The following DGKD variants were observed in gnomAD, a reference collection of about 807,000 sequenced individuals.
The protein encoded by DGKD is diacylglycerol kinase delta.
DGKD carries 68 observed loss-of-function variants against 154.4 expected under a neutral mutation model. The ratio of observed to expected loss-of-function variants is 0.44; its 90% CI spans 0.36 to 0.54. The LOEUF (loss-of-function observed/expected upper bound fraction) is 0.54, where lower values mean the gene tolerates loss of function less well. Ranked by LOEUF, DGKD falls within the 20% of genes least tolerant of loss-of-function variation. The probability of loss-of-function intolerance (pLI) is 0.00; values close to 1 mark genes in which losing one functional copy is unlikely to be tolerated. For missense variants in DGKD, 1,343 were observed against 1,593.6 expected (o/e 0.84, Z 2.68); for synonymous variants, 693 against 638.0 (o/e 1.09, Z -1.30).
In DGKD at chr2:233,429,153, G is replaced by C. The variant is rs145698194; in HGVS notation, c.349-5227G>C. On this transcript the variant is annotated intron_variant, in intron 3 of 29. Coordinates refer to ENST00000264057, the MANE Select transcript of DGKD (RefSeq NM_152879.3). Reference sequence around the variant, plus strand: ...CCAAAGATCCATCTTCTCAAACGCTGAGGCTGAGTTCTGGAGCAAAGTTGG... The same window carrying C: ...CCAAAGATCCATCTTCTCAAACGCTCAGGCTGAGTTCTGGAGCAAAGTTGG... The C allele has an allele frequency of 1.2e-3, 1,229 of 985,366 alleles. 11 individuals carry two copies. The African/African-American group carries it at 0.018, about 15-fold the overall frequency. The allele number at this position is 985,366 out of a possible 1,614,324, so 61.0% of individuals were successfully genotyped here. A position where few individuals can be genotyped will look rare whatever the true frequency, so the allele number is the denominator to read the frequency against.
chr2:233,460,129 A>G (rs2063579989), intron 23 of DGKD, 65 bp from the exon 24 acceptor site: 8 of 1,580,364 alleles, frequency 5.1e-6, no homozygotes, highest in Non-Finnish European at 6.9e-6. Context: ...GCATCCCCAT[A>G]GTGTCTGTCG....
At chr2:233,394,534 G>A (rs1026726162) in intron 3 of DGKD, among the ~76,000 whole-genome samples, 5 of 151,850 alleles carry the variant, frequency 3.3e-5, no homozygotes, top group Non-Finnish European at 5.9e-5. Context: ...GATCTTTTTC[G>A]CAATGAGTAG....
At chr2:233,426,497 G>C (rs1018818462) in intron 3 of DGKD, among the ~76,000 whole-genome samples, 1 of 152,084 alleles carries the variant, frequency 6.6e-6, no homozygotes, top group African/African-American at 2.4e-5. Flanking sequence ...GGAGAAGCTA[G>C]CATCTAATAC....
Position 233,359,179 on chromosome 2 carries a change from G to A in DGKD, c.156+4505G>A, listed in dbSNP as rs991147786. On this transcript the variant is annotated intron_variant, in intron 1 of 29. Transcript: ENST00000264057. ...CAGATGAAGTCACTTCAGACCCTGC[G>A]CTTCTAGTTATGAAGCATGCGATTG... 9.2e-5 allele frequency among the ~76,000 whole-genome samples: 14 copies of A among 152,286 alleles called. 1 individual carries two copies. Among genetic ancestry groups the A allele is most frequent in the Admixed American group, 4.6e-4 (7 of 15,294 alleles).
chr2:233,385,355 G>C lies in DGKD; in HGVS notation c.157-2902G>C, dbSNP rs376009984. 3.9e-5 allele frequency among the ~76,000 whole-genome samples: 6 copies of C among 152,302 alleles called. No individual in the cohort carries two copies. The South Asian group carries it at 1.0e-3, about 26-fold the overall frequency. Reference sequence around the variant, plus strand: ...AACTTCCTCTGGGGAGCCCAGCACTGGGATTGGTGTCTTGCCTGTGTTTGC... The same window carrying C: ...AACTTCCTCTGGGGAGCCCAGCACTCGGATTGGTGTCTTGCCTGTGTTTGC... On this transcript the variant is annotated intron_variant, in intron 1 of 29. Transcript: ENST00000264057.
intron 3 of DGKD, among the ~76,000 whole-genome samples, chr2:233,419,603 G>A (rs2062051172): frequency 6.6e-6 from 1 of 152,158 alleles, no homozygotes; most frequent in African/African-American, 2.4e-5. Context: ...TAGGCTTTGT[G>A]GTGTGACTTT....
At chr2:233,460,815 C>G (rs1309369169) in intron 24 of DGKD, among the ~76,000 whole-genome samples, 1 of 152,054 alleles carries the variant, frequency 6.6e-6, no homozygotes, top group Non-Finnish European at 1.5e-5. Flanking sequence ...TCAGTCGAAC[C>G]CCAGAGGCGG....
chr2:233,432,435 A>G (rs369515888), intron 3 of DGKD, among the ~76,000 whole-genome samples: 211 of 144,010 alleles, frequency 1.5e-3, no homozygotes, highest in East Asian at 4.4e-3. Context: ...CAAGGTGGGC[A>G]GATCATGAGG....
chr2:233,417,567 A>G (rs2061989883), intron 3 of DGKD, among the ~76,000 whole-genome samples: 1 of 152,176 alleles, frequency 6.6e-6, no homozygotes, highest in African/African-American at 2.4e-5. Flanking sequence ...AAATTGCATT[A>G]TGGCAAAAAT....
At chr2:233,448,846 C>G (rs907699383) in intron 14 of DGKD, among the ~76,000 whole-genome samples, 9 of 152,186 alleles carry the variant, frequency 5.9e-5, no homozygotes, top group Non-Finnish European at 1.3e-4. Flanking sequence ...CATTTCTATG[C>G]AGACTAAGAC....
intron 1 of DGKD, among the ~76,000 whole-genome samples, chr2:233,375,880 C>T (rs536199592): frequency 6.6e-6 from 1 of 151,970 alleles, no homozygotes; most frequent in African/African-American, 2.4e-5. Context: ...ACTTCTGGTT[C>T]TTCCTACTGT....
intron 26 of DGKD, 56 bp from the exon 27 acceptor site, chr2:233,464,108 C>T (rs1009992706): frequency 2.6e-5 from 42 of 1,609,462 alleles, no homozygotes; most frequent in East Asian, 4.5e-5. Flanking sequence ...CTGGGCCTCG[C>T]GCTGATCAGC....
intron 3 of DGKD, among the ~76,000 whole-genome samples, chr2:233,421,407 C>T (rs1032509599): frequency 2.0e-5 from 3 of 152,198 alleles, no homozygotes; most frequent in Non-Finnish European, 4.4e-5. Flanking sequence ...AAAAGGTTTC[C>T]TGCCTTCTTT....
chr2:233,400,809 C>T (rs531305686), intron 3 of DGKD, among the ~76,000 whole-genome samples: 2 of 152,224 alleles, frequency 1.3e-5, no homozygotes, highest in South Asian at 4.1e-4. Context: ...CCAGGAGGCC[C>T]GTGGAAAGGC....
chr2:233,434,695 T>A (rs2125589449), intron 4 of DGKD, 74 bp from the exon 5 acceptor site: 3 of 1,571,678 alleles, frequency 1.9e-6, no homozygotes, highest in Non-Finnish European at 2.6e-6. Context: ...CTTTGTTTAA[T>A]CTTGTCCAAG....
chr2:233,401,300 TAC>T (rs2061552682), intron 3 of DGKD, among the ~76,000 whole-genome samples: 1 of 152,240 alleles, frequency 6.6e-6, no homozygotes, highest in Non-Finnish European at 1.5e-5. Flanking sequence ...TATAGGCACT[TAC>T]TGATTATTCA....
chr2:233,429,119 C>T (rs187696999), intron 3 of DGKD: 223 of 985,294 alleles, frequency 2.3e-4, no homozygotes, highest in Non-Finnish European at 2.6e-4. Context: ...GTGTGTGGGT[C>T]AGGTGGGCCC....
chr2:233,437,220 A>T (rs2062727304), intron 7 of DGKD, among the ~76,000 whole-genome samples, 157 bp from the exon 8 acceptor site: 1 of 152,152 alleles, frequency 6.6e-6, no homozygotes. Flanking sequence ...CCCCGATGAT[A>T]GCAGGCCGGC....
intron 19 of DGKD, among the ~76,000 whole-genome samples, chr2:233,455,422 A>G (rs1400300353): frequency 1.3e-5 from 2 of 152,218 alleles, no homozygotes; most frequent in African/African-American, 4.8e-5. Flanking sequence ...GGATGGAGAA[A>G]AATGAGAAGG....
Sources: allele counts gnomAD v4.1 joint callset (sites outside exome capture counted in the v4.1 genomes callset), GRCh38; gene constraint gnomAD v4.1.1; transcripts MANE v1.5; gene names NCBI Gene and HGNC (gene_info 2026-07-23, HGNC 2026-07-21).